SLAIN2: variants seen among roughly 807,000 people sequenced by gnomAD.
SLAIN2 encodes SLAIN motif-containing protein 2.
Under a neutral mutation model 56.6 loss-of-function variants are expected in SLAIN2, and 31 were observed. The observed-to-expected ratio is 0.55, with a 90% CI of 0.41 to 0.74. The LOEUF (loss-of-function observed/expected upper bound fraction) is 0.74, where lower values mean the gene tolerates loss of function less well. Among genes scored for constraint, SLAIN2 ranks in the 30% least tolerant of loss-of-function variants. SLAIN2 has a pLI of 0.00. For missense variants in SLAIN2, 777 were observed against 754.2 expected (o/e 1.03, Z -0.35); for synonymous variants, 317 against 284.9 (o/e 1.11, Z -1.13).
chr4:48,348,279 A>G (rs1232793557), intron 1 of SLAIN2, among the ~76,000 whole-genome samples: 1 of 152,218 alleles, frequency 6.6e-6, no homozygotes, highest in East Asian at 1.9e-4. Context: ...ATAACCTTCA[A>G]AAGACTGCTG....
chr4:48,371,499 G>T (rs1363294657), intron 2 of SLAIN2, among the ~76,000 whole-genome samples: 3 of 152,132 alleles, frequency 2.0e-5, no homozygotes, highest in African/African-American at 4.8e-5. Flanking sequence ...GAGATTATTA[G>T]AAATATGTAG....
chr4:48,374,000 T>C (rs1157445410), intron 2 of SLAIN2, among the ~76,000 whole-genome samples: 3 of 152,078 alleles, frequency 2.0e-5, no homozygotes, highest in African/African-American at 7.2e-5. Flanking sequence ...ATCGTGCCAT[T>C]GCTCTCCAGC....
intron 1 of SLAIN2, among the ~76,000 whole-genome samples, chr4:48,365,088 G>A (rs1197493992): frequency 6.6e-6 from 1 of 151,834 alleles, no homozygotes; most frequent in African/African-American, 2.4e-5. Context: ...AGTGTTTGTG[G>A]TGATGTCCTC....
At chr4:48,409,016 G>C (rs1353510884) in intron 6 of SLAIN2, among the ~76,000 whole-genome samples, 1 of 152,138 alleles carries the variant, frequency 6.6e-6, no homozygotes. Flanking sequence ...TGCTGTATTG[G>C]TTTGTAGCCT....
intron 3 of SLAIN2, 22 bp downstream of exon 3, chr4:48,378,082 G>A: frequency 1.2e-6 from 2 of 1,606,246 alleles, no homozygotes; most frequent in Non-Finnish European, 1.7e-6. Flanking sequence ...ATGATATGGA[G>A]CTATTAAGGA....
At chr4:48,389,792 A>G (rs988512965) in intron 6 of SLAIN2, among the ~76,000 whole-genome samples, 2 of 152,194 alleles carry the variant, frequency 1.3e-5, no homozygotes, top group African/African-American at 2.4e-5. Context: ...ACAGCATCCC[A>G]TGAGGGGATG....
rs1715601441 is a variant in SLAIN2 at position 48,369,133 on chromosome 4, T to C, written c.390-716T>C. Among the ~76,000 whole-genome samples the C allele has an allele frequency of 2.0e-5, 3 of 152,208 alleles. No individual in the cohort carries two copies. In the South Asian group the frequency reaches 6.2e-4, roughly 31 times the overall value. ...TAGAAATCAATAGCTATTTGCATTT[T>C]TCATATGGAGTGACACTTGAAATAA... On this transcript the variant is annotated intron_variant, in intron 1 of 7. Transcript: ENST00000264313.
At chr4:48,391,374 T>G (rs1462868874) in intron 6 of SLAIN2, among the ~76,000 whole-genome samples, 1 of 152,196 alleles carries the variant, frequency 6.6e-6, no homozygotes, top group African/African-American at 2.4e-5. Context: ...CGGTATTTAT[T>G]AAAGTATAAG....
intron 1 of SLAIN2, among the ~76,000 whole-genome samples, chr4:48,356,307 T>TA (rs1455294380): frequency 1.3e-5 from 2 of 152,246 alleles, no homozygotes; most frequent in Non-Finnish European, 2.9e-5. Context: ...TATCCATACA[T>TA]ATACCCATGT....
intron 6 of SLAIN2, among the ~76,000 whole-genome samples, chr4:48,397,865 A>G (rs1716448968): frequency 6.6e-6 from 1 of 152,204 alleles, no homozygotes; most frequent in Non-Finnish European, 1.5e-5. Context: ...ATAGTACTCC[A>G]TGGTGTATAT....
Position 48,378,016 on chromosome 4 carries a change from T to G in SLAIN2, c.659T>G (p.Val220Gly). 1 of 1,613,932 alleles carries G rather than the reference T, an allele frequency of 6.2e-7. No individual in the cohort carries two copies. Among genetic ancestry groups the G allele is most frequent in the Non-Finnish European group, 8.5e-7 (1 of 1,179,864 alleles). ...TTCAATTCTCCATCCTCAACCCCAG[T>G]GCGACCTCCTATAGTCAAACAGCTT... Reference protein sequence around the residue: ...SGFNSPSSTPVRPPIVKQLIL... With the variant: ...SGFNSPSSTPGRPPIVKQLIL... Residue 220 changes from valine to glycine, a missense_variant, in exon 3 of 8, where the codon GTG (valine) becomes GGG (glycine). Val to Gly is a moderately radical substitution (Grantham distance 109). Transcript: ENST00000264313.
intron 1 of SLAIN2, among the ~76,000 whole-genome samples, chr4:48,347,855 A>G (rs1479590218): frequency 6.6e-6 from 1 of 152,232 alleles, no homozygotes; most frequent in Non-Finnish European, 1.5e-5. Flanking sequence ...TGTAAGTAGA[A>G]TCATACAATA....
chr4:48,361,266 T>G (rs577784899), intron 1 of SLAIN2, among the ~76,000 whole-genome samples: 1 of 152,216 alleles, frequency 6.6e-6, no homozygotes, highest in African/African-American at 2.4e-5. Flanking sequence ...AGCAAAAAAG[T>G]GGAATGAAAC....
chr4:48,351,039 A>G (rs994410718), intron 1 of SLAIN2, among the ~76,000 whole-genome samples: 31 of 152,222 alleles, frequency 2.0e-4, no homozygotes, highest in African/African-American at 7.5e-4. Context: ...GCAGTGTACT[A>G]GACTGAAACT....
At chr4:48,404,344 A>G (rs1466319278) in intron 6 of SLAIN2, among the ~76,000 whole-genome samples, 1 of 152,224 alleles carries the variant, frequency 6.6e-6, no homozygotes, top group African/African-American at 2.4e-5. Context: ...CAAAATTAAA[A>G]ATTGTCTTCT....
intron 6 of SLAIN2, among the ~76,000 whole-genome samples, chr4:48,414,176 G>A (rs1260913050): frequency 1.3e-5 from 2 of 152,130 alleles, no homozygotes; most frequent in Non-Finnish European, 1.5e-5. Context: ...TGCCTGACTC[G>A]AGTGTAATTC....
chr4:48,420,126 A>G lies in SLAIN2; in HGVS notation c.1362A>G (p.Ile454Met), dbSNP rs2109791193. The G allele has an allele frequency of 6.2e-7, 1 of 1,613,568 alleles. No individual in the cohort carries two copies. Among genetic ancestry groups the G allele is most frequent in the East Asian group, 2.2e-5 (1 of 44,840 alleles). Residue 454 changes from isoleucine to methionine, a missense_variant and splice_region_variant, in exon 7 of 8, where the codon ATA (isoleucine) becomes ATG (methionine). Physicochemically the swap from Ile to Met is conservative, Grantham distance 10. Coordinates refer to ENST00000264313, the MANE Select transcript of SLAIN2 (RefSeq NM_020846.2). ...IPRMQPQASAIPSPGKFRSPA... is the reference protein window; with the variant it reads ...IPRMQPQASAMPSPGKFRSPA... Reference sequence around the variant, plus strand: ...TGGTTTTTCTTTGCCATCCCACAGTACCTTCTCCAGGCAAATTCCGTTCCC... The same window carrying G: ...TGGTTTTTCTTTGCCATCCCACAGTGCCTTCTCCAGGCAAATTCCGTTCCC...
intron 6 of SLAIN2, among the ~76,000 whole-genome samples, chr4:48,410,660 C>CT (rs2109783970): frequency 6.6e-6 from 1 of 152,328 alleles, no homozygotes; most frequent in South Asian, 2.1e-4. Context: ...TCCTCCCCAT[C>CT]TGGCCTGCAG....
At chr4:48,399,466 T>G (rs1716491479) in intron 6 of SLAIN2, among the ~76,000 whole-genome samples, 1 of 152,202 alleles carries the variant, frequency 6.6e-6, no homozygotes, top group African/African-American at 2.4e-5. Flanking sequence ...TAATTTGACT[T>G]CCTCTCTTCC....
Sources: gnomAD v4.1 joint callset for allele counts (sites outside exome capture counted in the v4.1 genomes callset) on GRCh38, gnomAD v4.1.1 for gene constraint, MANE v1.5 for transcripts, NCBI Gene and HGNC (gene_info 2026-07-23, HGNC 2026-07-21) for gene names.